The following RAD23B variants were observed in gnomAD, a reference collection of about 807,000 sequenced individuals.
RAD23B encodes lysine-specific demethylase RAD23B.
A neutral mutation model predicts 49.1 loss-of-function variants in RAD23B; 5 were observed. The ratio of observed to expected loss-of-function variants is 0.10; its 90% confidence interval spans 0.05 to 0.21. The LOEUF (loss-of-function observed/expected upper bound fraction) is 0.21, where lower values mean the gene tolerates loss of function less well. RAD23B is among the 10% of genes least tolerant of loss of function. The pLI is 1.00. For missense variants in RAD23B, 356 were observed against 486.7 expected (o/e 0.73, Z 2.53); for synonymous variants, 184 against 165.4 (o/e 1.11, Z -0.86).
chr9:107,314,421 C>T (rs1826950949), intron 5 of RAD23B, among the ~76,000 whole-genome samples: 1 of 152,156 alleles, frequency 6.6e-6, no homozygotes, highest in South Asian at 2.1e-4. Flanking sequence ...TCAGCTCCCA[C>T]TTGTGAGGAC....
At chr9:107,324,177 T>TA (rs959411886) in intron 8 of RAD23B, among the ~76,000 whole-genome samples, 160 bp downstream of exon 8, 8 of 152,160 alleles carry the variant, frequency 5.3e-5, no homozygotes, top group African/African-American at 1.9e-4. Context: ...ATAGGTGTAC[T>TA]AAAAAAACAG....
chr9:107,323,746 T>C, intron 7 of RAD23B, 144 bp from the exon 8 acceptor site: 1 of 821,260 alleles, frequency 1.2e-6, no homozygotes, highest in Admixed American at 2.5e-5. Context: ...TTGGAAGATT[T>C]CATCATTATT....
In RAD23B at chr9:107,330,196, A is replaced by T. The variant is rs999688461; in HGVS notation, c.*540A>T. On this transcript the variant is annotated 3_prime_UTR_variant, in exon 10 of 10. Coordinates refer to ENST00000358015, the MANE Select transcript of RAD23B (RefSeq NM_002874.5). This position sits in a 1 kb window ranked among gnomAD's most constrained non-coding sequence, Gnocchi z 4.4. ...ATAAAATTAATATGTAAGGAAGCCC[A>T]TTCTTTCATGTTAAATACTTGGGGT... The T allele has an allele frequency of 6.6e-6, 1 of 152,652 alleles. No individual in the cohort carries two copies. Among genetic ancestry groups the T allele is most frequent in the African/African-American group, 2.4e-5 (1 of 41,462 alleles). 9.5% of individuals were successfully genotyped at this position (152,652 alleles called of 1,614,324 possible).
chr9:107,326,542 A>AGTCT (rs1827206186), intron 9 of RAD23B, among the ~76,000 whole-genome samples: 1 of 148,196 alleles, frequency 6.7e-6, no homozygotes, highest in South Asian at 2.1e-4. Flanking sequence ...ATTCACCAGT[A>AGTCT]GTCTGGTCCT....
intron 2 of RAD23B, among the ~76,000 whole-genome samples, chr9:107,301,047 G>A (rs778123191): frequency 8.5e-5 from 13 of 152,146 alleles, no homozygotes; most frequent in Non-Finnish European, 4.4e-5. Context: ...CTGACTTAAT[G>A]TTAGCAGCTT....
At chr9:107,284,993 G>GT (rs1833247058) in intron 1 of RAD23B, 2 of 1,273,562 alleles carry the variant, frequency 1.6e-6, no homozygotes. Context: ...ACAGTGTTAC[G>GT]TTTTACTTAT....
intron 1 of RAD23B, among the ~76,000 whole-genome samples, chr9:107,287,033 C>G (rs960427111): frequency 6.6e-6 from 1 of 150,900 alleles, no homozygotes; most frequent in African/African-American, 2.4e-5. Context: ...TGAGATCACT[C>G]CATTGCACTC....
chr9:107,286,883 T>G (rs2133060629), intron 1 of RAD23B, among the ~76,000 whole-genome samples: 1 of 152,030 alleles, frequency 6.6e-6, no homozygotes, highest in South Asian at 2.1e-4. Flanking sequence ...CCATCCTGGT[T>G]AACACGGTGA....
chr9:107,310,063 T>C (rs944679387), intron 4 of RAD23B, among the ~76,000 whole-genome samples: 1 of 152,076 alleles, frequency 6.6e-6, no homozygotes, highest in Non-Finnish European at 1.5e-5. Flanking sequence ...ATTAGAAAGA[T>C]TGGTCAGCGA....
At chr9:107,283,760 G>A in intron 1 of RAD23B, 65 bp downstream of exon 1, 4 of 1,289,002 alleles carry the variant, frequency 3.1e-6, no homozygotes, top group Non-Finnish European at 4.0e-6. Flanking sequence ...AGGAGCTCGT[G>A]GGGCCGGGCG....
intron 3 of RAD23B, among the ~76,000 whole-genome samples, chr9:107,302,476 A>G (rs1344512775): frequency 6.6e-6 from 1 of 152,174 alleles, no homozygotes; most frequent in Admixed American, 6.5e-5. Context: ...CTTGCCTTAA[A>G]TAGACCTGCT....
In RAD23B at chr9:107,300,303, A is replaced by G. The variant is rs1486515828; in HGVS notation, c.148+81A>G. 2.9e-6 allele frequency: 4 copies of G among 1,398,728 alleles called. No individual in the cohort carries two copies. In the East Asian group the frequency reaches 8.0e-5, roughly 28 times the overall value. The allele number at this position is 1,398,728 out of a possible 1,614,324, so 86.6% of individuals were successfully genotyped here. ...GAAATGTTATCTTATATATTGTAGT[A>G]TATTCAAATTGTCAGAAAAATGATT... On this transcript the variant is annotated intron_variant, in intron 2 of 9. Transcript: ENST00000358015.
chr9:107,314,933 T>G (rs1826961217), intron 5 of RAD23B, among the ~76,000 whole-genome samples: 1 of 152,246 alleles, frequency 6.6e-6, no homozygotes, highest in African/African-American at 2.4e-5. Context: ...CACTTGTCTG[T>G]CTTCTTTTGA....
intron 3 of RAD23B, among the ~76,000 whole-genome samples, chr9:107,302,860 G>A (rs552256299): frequency 2.0e-5 from 3 of 152,078 alleles, no homozygotes; most frequent in African/African-American, 7.2e-5. Flanking sequence ...GTTTCACCGT[G>A]TTAGCCAGGA....
chr9:107,315,026 T>C (rs1318852450), intron 5 of RAD23B, among the ~76,000 whole-genome samples: 2 of 152,226 alleles, frequency 1.3e-5, no homozygotes, highest in Non-Finnish European at 2.9e-5. Flanking sequence ...AAGTTCTGGA[T>C]AATAGCACTT....
At chr9:107,329,508 G>A (rs754282825) in intron 9 of RAD23B, 35 bp from the exon 10 acceptor site, 2 of 1,262,884 alleles carry the variant, frequency 1.6e-6, no homozygotes, top group Non-Finnish European at 2.3e-6. Flanking sequence ...CATAATTGGT[G>A]TGTTGGATTT....
Position 107,300,123 on chromosome 9 carries a change from T to C in RAD23B, c.67-18T>C. The stretch of plus-strand genomic sequence containing the variant: ...TTATTTAGACTTTTTCCAAAACAAA[T>C]CTTTATTTTTCCTATAGGTGAAAGC... On this transcript the variant is annotated intron_variant, in intron 1 of 9. Transcript: ENST00000358015. 6.3e-7 allele frequency: 1 copy of C among 1,588,282 alleles called. No individual in the cohort carries two copies. The highest frequency in any genetic ancestry group is 8.5e-7 in the Non-Finnish European group (1 of 1,171,534).
Position 107,283,599 on chromosome 9 carries a change from AGGCCC to A in RAD23B, c.-27_-23del, listed in dbSNP as rs201899014. 1,066 of 1,464,014 alleles carry A rather than the reference AGGCCC, an allele frequency of 7.3e-4. 24 individuals are homozygous for A. In the East Asian group the frequency reaches 0.031, roughly 42 times the overall value. 90.7% of individuals were successfully genotyped at this position (1,464,014 alleles called of 1,614,324 possible). ...CCGCCCAGCGGCCAGCACCCGGCGC[AGGCCC>A]GGCAGCCGAGCTGCGCGGCGGCACC... is the stretch of plus-strand genomic sequence containing the variant. On this transcript the variant is annotated 5_prime_UTR_variant, in exon 1 of 10. Transcript: ENST00000358015.
rs530638116 is a variant in RAD23B, at chr9:107,288,041, A to C, written c.66+4346A>C. ...GAGTAGTAAATGTATTAAAAATACT[A>C]TATCACAGAGGTGAAATTAAGAGTT... On this transcript the variant is annotated intron_variant, in intron 1 of 9. Transcript: ENST00000358015. Among the ~76,000 whole-genome samples, 5 of 152,314 alleles carry C rather than the reference A, an allele frequency of 3.3e-5. No individual in the cohort carries two copies. In the East Asian group the frequency reaches 9.7e-4, roughly 29 times the overall value.
Sources: allele counts gnomAD v4.1 joint callset (sites outside exome capture counted in the v4.1 genomes callset), GRCh38; gene constraint gnomAD v4.1.1; non-coding constraint Gnocchi (gnomAD v3.1); transcripts MANE v1.5; gene names NCBI Gene and HGNC (gene_info 2026-07-23, HGNC 2026-07-21).